The following CLRN3 variants were observed in gnomAD, a reference collection of about 807,000 sequenced individuals.
The protein encoded by CLRN3 is clarin-3.
In CLRN3, 12 loss-of-function variants were observed where a neutral mutation model predicts 16.7. The ratio of observed to expected loss-of-function variants is 0.72; its 90% CI spans 0.46 to 1.16. The LOEUF is 1.16. Ranked by LOEUF, CLRN3 falls within the 50% of genes most tolerant of loss-of-function variation. The pLI is 0.00. For missense variants in CLRN3, 296 were observed against 274.2 expected (o/e 1.08, Z -0.56); for synonymous variants, 118 against 113.0 (o/e 1.04, Z -0.28).
In CLRN3 at chr10:127,883,603, CTG is replaced by C. The variant is rs550068529; in HGVS notation, c.409+91_409+92del. 72 of 913,484 alleles carry C rather than the reference CTG, an allele frequency of 7.9e-5. No homozygotes were observed. In the South Asian group the frequency reaches 9.5e-4, roughly 12 times the overall value. The allele number at this position is 913,484 out of a possible 1,614,324, so 56.6% of individuals were successfully genotyped here. A position where few individuals can be genotyped will look rare whatever the true frequency, so the allele number is the denominator to read the frequency against. On this transcript the variant is annotated intron_variant, in intron 2 of 2. Transcript: ENST00000368671. ...CATAGTTTCCTTGGTGTAAACGTGA[CTG>C]TGTATGTTCATGCATGTGTGAGAGG...
chr10:127,881,971 C>G (rs1056595296), intron 2 of CLRN3, among the ~76,000 whole-genome samples: 6 of 152,170 alleles, frequency 3.9e-5, no homozygotes, highest in African/African-American at 1.4e-4. Context: ...GTTGCATGAG[C>G]AAAAGTAAAA....
intron 1 of CLRN3, among the ~76,000 whole-genome samples, chr10:127,889,037 A>G (rs1845228876): frequency 6.6e-6 from 1 of 152,186 alleles, no homozygotes; most frequent in Admixed American, 6.5e-5. Flanking sequence ...TGATTGCTCA[A>G]AGTCCCACAC....
rs1845085020 is a variant in CLRN3 at position 127,878,353 on chromosome 10, C to G, written c.477G>C (p.Glu159Asp). 2 of 1,614,112 alleles carry G rather than the reference C, an allele frequency of 1.2e-6. No individual in the cohort carries two copies. The highest frequency in any genetic ancestry group is 2.2e-5 in the East Asian group (1 of 44,898). The part of the protein sequence containing the change: ...ANTQSNQLSE[E>D]LFQMLYPATT... The stretch of plus-strand genomic sequence containing the variant: ...TTGCCGGGTAAAGCATTTGGAACAA[C>G]TCTTCGGAGAGTTGGTTGGACTGCG... Residue 159 changes from glutamate to aspartate, a missense_variant, in exon 3 of 3, where the codon GAG (glutamate) becomes GAC (aspartate). Transcript: ENST00000368671.
chr10:127,890,327 C>T lies in CLRN3; in HGVS notation c.229+2229G>A, dbSNP rs374446222. Among the ~76,000 whole-genome samples the T allele has an allele frequency of 1.4e-3, 220 of 152,308 alleles. 2 individuals carry two copies. Among genetic ancestry groups the T allele is most frequent in the African/African-American group, 5.2e-3 (215 of 41,566 alleles). On this transcript the variant is annotated intron_variant, in intron 1 of 2. Coordinates refer to ENST00000368671, the MANE Select transcript of CLRN3 (RefSeq NM_152311.5). ...CAAGTCAGCCTGAGCTGCCCGCACCCTCCAGTTACACACTGGAGGATTTCC... is the reference window on the plus strand; with the variant it reads ...CAAGTCAGCCTGAGCTGCCCGCACCTTCCAGTTACACACTGGAGGATTTCC...
intron 1 of CLRN3, among the ~76,000 whole-genome samples, chr10:127,886,493 G>C (rs191989197): frequency 1.1e-4 from 17 of 152,300 alleles, no homozygotes; most frequent in South Asian, 8.3e-4. Context: ...TAGACCGGGA[G>C]GGGGAGAAGC....
At chr10:127,882,832 A>G (rs1168202050) in intron 2 of CLRN3, among the ~76,000 whole-genome samples, 2 of 152,170 alleles carry the variant, frequency 1.3e-5, no homozygotes, top group Admixed American at 1.3e-4. Flanking sequence ...CTTCATTCCC[A>G]AGGTCCAGTT....
Position 127,878,239 on chromosome 10 carries a change from G to A in CLRN3, c.591C>T (p.Ile197=), listed in dbSNP as rs1845081937. 6.2e-7 allele frequency: 1 copy of A among 1,614,216 alleles called. No individual in the cohort carries two copies. Among genetic ancestry groups the A allele is most frequent in the Non-Finnish European group, 8.5e-7 (1 of 1,180,034 alleles). The change falls in exon 3 of 3, where the codon ATC becomes ATT. Residue 197 remains isoleucine (I), a synonymous_variant. Coordinates refer to ENST00000368671, the MANE Select transcript of CLRN3 (RefSeq NM_152311.5). ...VILLNIVTVT[I]IIFYQKARYQ... ...ATCTGGCCTTCTGGTAGAAAATGATGATGGTTACAGTGACTATATTTAGAA... is the reference window on the plus strand; with the variant it reads ...ATCTGGCCTTCTGGTAGAAAATGATAATGGTTACAGTGACTATATTTAGAA...
chr10:127,887,459 T>C (rs2135084173), intron 1 of CLRN3, among the ~76,000 whole-genome samples: 1 of 152,272 alleles, frequency 6.6e-6, no homozygotes, highest in African/African-American at 2.4e-5. Context: ...TCCTTTTTTT[T>C]TTTTTTCAGA....
Position 127,892,913 on chromosome 10 carries a change from A to T in CLRN3, c.-129T>A, listed in dbSNP as rs952547651. Reference sequence around the variant, plus strand: ...ACTTTATTGTCAAATATAAAATCTCACTCTTCCTGAGGAAGGGTTATGCTA... The same window carrying T: ...ACTTTATTGTCAAATATAAAATCTCTCTCTTCCTGAGGAAGGGTTATGCTA... On this transcript the variant is annotated 5_prime_UTR_variant, in exon 1 of 3. Transcript: ENST00000368671. 1.1e-5 allele frequency: 7 copies of T among 626,738 alleles called. No homozygotes were observed. The highest frequency in any genetic ancestry group is 2.0e-5 in the Non-Finnish European group (7 of 357,532). The allele number at this position is 626,738 out of a possible 1,614,324, so 38.8% of individuals were successfully genotyped here.
Position 127,892,538 on chromosome 10 carries a change from A to C in CLRN3, c.229+18T>G. The C allele has an allele frequency of 8.0e-7, 1 of 1,256,804 alleles. No homozygotes were observed. Among genetic ancestry groups the C allele is most frequent in the Non-Finnish European group, 1.2e-6 (1 of 853,478 alleles). 77.9% of individuals were successfully genotyped at this position (1,256,804 alleles called of 1,614,324 possible). The stretch of plus-strand genomic sequence containing the variant: ...AATTCAATCTCACTATATTCATTCA[A>C]ATTAGTTTATCATTTACCTGCAAAC... On this transcript the variant is annotated intron_variant, in intron 1 of 2. Coordinates refer to ENST00000368671, the MANE Select transcript of CLRN3 (RefSeq NM_152311.5).
In CLRN3 at chr10:127,892,763, A is replaced by G. The variant is rs1486559868; in HGVS notation, c.22T>C (p.Leu8=). ...GTGAAAAAGCTTGATAAGAACATCAATGTCTTCTTTGTGGTAGGCATTTTC... is the reference window on the plus strand; with the variant it reads ...GTGAAAAAGCTTGATAAGAACATCAGTGTCTTCTTTGTGGTAGGCATTTTC... The part of the protein sequence containing the change: MPTTKKT[L]MFLSSFFTSL... Residue 8 remains leucine, a synonymous_variant, in exon 1 of 3, where the codon TTG becomes CTG. Coordinates refer to ENST00000368671, the MANE Select transcript of CLRN3 (RefSeq NM_152311.5). The G allele has an allele frequency of 5.0e-6, 8 of 1,611,392 alleles. No homozygotes were observed. The highest frequency in any genetic ancestry group is 1.1e-5 in the South Asian group (1 of 91,038).
intron 2 of CLRN3, among the ~76,000 whole-genome samples, chr10:127,883,287 T>C (rs1036240380): frequency 9.4e-5 from 14 of 149,484 alleles, no homozygotes; most frequent in Middle Eastern, 3.4e-3. Context: ...TGTGTGTGTG[T>C]GTGCACATGT....
intron 1 of CLRN3, among the ~76,000 whole-genome samples, chr10:127,887,683 C>T (rs562431956): frequency 1.3e-5 from 2 of 152,156 alleles, no homozygotes; most frequent in African/African-American, 4.8e-5. Context: ...GCTGTATCTC[C>T]GCTCCAGCTC....
Position 127,892,839 on chromosome 10 carries a change from C to G in CLRN3, c.-55G>C. On this transcript the variant is annotated 5_prime_UTR_variant, in exon 1 of 3. Transcript: ENST00000368671. ...AAAAAAGGAATATCTTCTTATAACA[C>G]TTTTGAACCTTATCTTTTGAAGTCT... The G allele has an allele frequency of 2.0e-6, 2 of 1,001,182 alleles. No individual in the cohort carries two copies. The highest frequency in any genetic ancestry group is 2.7e-5 in the South Asian group (2 of 74,762). The allele number at this position is 1,001,182 out of a possible 1,614,324, so 62.0% of individuals were successfully genotyped here.
Position 127,878,144 on chromosome 10 carries a change from A to G in CLRN3, c.*5T>C, listed in dbSNP as rs763299039. ...ATGCAACGCCAAAATGAGATGAAAG[A>G]GAATTCAGAATAAAATTCCGTCCCT... On this transcript the variant is annotated 3_prime_UTR_variant, in exon 3 of 3. Transcript: ENST00000368671. 6.2e-7 allele frequency: 1 copy of G among 1,608,960 alleles called. No individual in the cohort carries two copies. Among genetic ancestry groups the G allele is most frequent in the African/African-American group, 1.3e-5 (1 of 74,852 alleles).
At chr10:127,879,937 G>A (rs367814766) in intron 2 of CLRN3, among the ~76,000 whole-genome samples, 1 of 152,102 alleles carries the variant, frequency 6.6e-6, no homozygotes, top group African/African-American at 2.4e-5. Flanking sequence ...TCCGTCTGCC[G>A]CCATGTACCC....
Position 127,878,370 on chromosome 10 carries a change from T to C in CLRN3, c.460A>G (p.Asn154Asp). Residue 154 changes from asparagine (N) to aspartate (D), a missense_variant, in exon 3 of 3, where the codon AAC (asparagine) becomes GAC (aspartate). Coordinates refer to ENST00000368671, the MANE Select transcript of CLRN3 (RefSeq NM_152311.5). ...MILFVANTQS[N>D]QLSEELFQML... Reference sequence around the variant, plus strand: ...TGGAACAACTCTTCGGAGAGTTGGTTGGACTGCGTGTTCGCCACAAACAGT... The same window carrying C: ...TGGAACAACTCTTCGGAGAGTTGGTCGGACTGCGTGTTCGCCACAAACAGT... The C allele has an allele frequency of 6.2e-7, 1 of 1,614,234 alleles. No homozygotes were observed. The highest frequency in any genetic ancestry group is 8.5e-7 in the Non-Finnish European group (1 of 1,180,044).
At chr10:127,892,363 A>G (rs1464280356) in intron 1 of CLRN3, among the ~76,000 whole-genome samples, 193 bp downstream of exon 1, 5 of 152,246 alleles carry the variant, frequency 3.3e-5, no homozygotes, top group African/African-American at 1.2e-4. Context: ...TTGTATTAAT[A>G]GACACAAGGA....
At chr10:127,885,666 TC>T (rs1316240139) in intron 1 of CLRN3, among the ~76,000 whole-genome samples, 2 of 152,156 alleles carry the variant, frequency 1.3e-5, no homozygotes, top group African/African-American at 4.8e-5. Flanking sequence ...AGTCTTGATC[TC>T]CCGAGTTCAA....
Sources: gnomAD v4.1 joint callset for allele counts (sites outside exome capture counted in the v4.1 genomes callset) on GRCh38, gnomAD v4.1.1 for gene constraint, MANE v1.5 for transcripts, NCBI Gene and HGNC (gene_info 2026-07-23, HGNC 2026-07-21) for gene names.